Variants in EXOC7 observed in about 807,000 individuals in gnomAD.
The protein encoded by EXOC7 is exocyst complex component Exo70.
In EXOC7, 51 loss-of-function variants were observed where a neutral mutation model predicts 87.6. That is an observed-to-expected ratio of 0.58 (90% CI 0.46 to 0.73). The LOEUF is 0.73. Among genes scored for constraint, EXOC7 ranks in the 30% least tolerant of loss-of-function variants. The probability of loss-of-function intolerance (pLI) is 0.00; values close to 1 mark genes in which losing one functional copy is unlikely to be tolerated. For missense variants in EXOC7, 744 were observed against 888.4 expected (o/e 0.84, Z 2.07); for synonymous variants, 327 against 357.1 (o/e 0.92, Z 0.95).
intron 2 of EXOC7, among the ~76,000 whole-genome samples, chr17:76,102,437 C>G (rs949217554): frequency 1.4e-5 from 2 of 145,022 alleles, no homozygotes; most frequent in Non-Finnish European, 1.5e-5. Context: ...CACACACACA[C>G]ACACACACAC....
intron 7 of EXOC7, 110 bp from the exon 8 acceptor site, chr17:76,089,430 T>C: frequency 7.2e-7 from 1 of 1,382,314 alleles, no homozygotes; most frequent in Non-Finnish European, 9.9e-7. Flanking sequence ...TGGCAGAGGA[T>C]GGGGAAGAGG....
chr17:76,084,894 G>T (rs2067142010), intron 15 of EXOC7, among the ~76,000 whole-genome samples: 1 of 152,192 alleles, frequency 6.6e-6, no homozygotes, highest in African/African-American at 2.4e-5. Flanking sequence ...GCAGATAAAT[G>T]AGAAGGAAGA....
At chr17:76,098,579 T>G (rs2067894159) in intron 4 of EXOC7, among the ~76,000 whole-genome samples, 1 of 150,906 alleles carries the variant, frequency 6.6e-6, no homozygotes, top group South Asian at 2.1e-4. Context: ...ACTGGCTGAT[T>G]GGCCGTGCAC....
intron 5 of EXOC7, among the ~76,000 whole-genome samples, chr17:76,096,831 C>T (rs991748217): frequency 6.6e-6 from 1 of 152,144 alleles, no homozygotes; most frequent in African/African-American, 2.4e-5. Context: ...GCTGGGATTA[C>T]AGGCATGAGC....
chr17:76,088,276 T>G (rs1046417240), intron 10 of EXOC7, 154 bp from the exon 11 acceptor site: 2 of 957,182 alleles, frequency 2.1e-6, no homozygotes, highest in African/African-American at 1.6e-5. Flanking sequence ...GGAGAGGCCC[T>G]TCCCACTTCA....
intron 7 of EXOC7, chr17:76,090,186 G>T: frequency 1.1e-6 from 1 of 929,250 alleles, no homozygotes; most frequent in South Asian, 1.7e-5. Context: ...GCCCAAAAGA[G>T]AGAGAGTGGA....
At position 76,082,319 on chromosome 17, in the gene EXOC7, C is replaced by A; in HGVS notation, c.*1329G>T. 1 of 926,832 alleles carries A rather than the reference C, an allele frequency of 1.1e-6. No homozygotes were observed. The highest frequency in any genetic ancestry group is 1.6e-6 in the Non-Finnish European group (1 of 630,300). The allele number at this position is 926,832 out of a possible 1,614,324, so 57.4% of individuals were successfully genotyped here. On this transcript the variant is annotated 3_prime_UTR_variant, in exon 19 of 19. Coordinates refer to ENST00000589210, the MANE Select transcript of EXOC7 (RefSeq NM_001013839.4). Reference sequence around the variant, plus strand: ...GGGTGTTTCTTCAACTGAAGATGGCCTGAAATGGGCCAGACCCAAATTTTC... The same window carrying A: ...GGGTGTTTCTTCAACTGAAGATGGCATGAAATGGGCCAGACCCAAATTTTC...
In EXOC7 at chr17:76,088,884, C is replaced by T. The variant is rs750047888; in HGVS notation, c.1087G>A (p.Val363Met). 7.4e-6 allele frequency: 12 copies of T among 1,613,520 alleles called. No individual in the cohort carries two copies. The highest frequency in any genetic ancestry group is 2.7e-5 in the African/African-American group (2 of 74,866). Residue 363 changes from valine (V) to methionine (M), a missense_variant, in exon 9 of 19, where the codon GTG (valine) becomes ATG (methionine). Around this residue, in one of 3 missense-constraint regions of EXOC7, gnomAD observed 512 missense variants for 573.0 expected, o/e 0.89. Transcript: ENST00000589210. ...ACAATGGCCTTCCGGGCAGCAGACA[C>T]GATGTTCTCCCCTTCAAGCATCAGC... is the stretch of plus-strand genomic sequence containing the variant. ...DGLMLEGENI[V>M]SAARKAIVRH...
chr17:76,083,525 G>C lies in EXOC7; in HGVS notation c.*123C>G. 1.1e-6 allele frequency: 1 copy of C among 890,656 alleles called. No homozygotes were observed. Among genetic ancestry groups the C allele is most frequent in the Non-Finnish European group, 1.8e-6 (1 of 544,404 alleles). The allele number at this position is 890,656 out of a possible 1,614,324, so 55.2% of individuals were successfully genotyped here. On this transcript the variant is annotated 3_prime_UTR_variant, in exon 19 of 19. Coordinates refer to ENST00000589210, the MANE Select transcript of EXOC7 (RefSeq NM_001013839.4). ...GGGCTCAGGGACACAGCTCCCGGAG[G>C]CGTGGAGACAGGTCTCTGTCCCAGA...
rs550641699 is a variant in EXOC7, at chr17:76,085,494, C to A, written c.1617-85G>T. 8 of 1,501,460 alleles carry A rather than the reference C, an allele frequency of 5.3e-6. No homozygotes were observed. The East Asian group carries it at 1.8e-4, about 35-fold the overall frequency. 93.0% of individuals were successfully genotyped at this position (1,501,460 alleles called of 1,614,324 possible). On this transcript the variant is annotated intron_variant, in intron 14 of 18. Transcript: ENST00000589210. The stretch of plus-strand genomic sequence containing the variant: ...CTGCGGCAATGCCGGGAGGGCCTCC[C>A]ATTGCACCCCAAACTCCACAAGCTC...
intron 15 of EXOC7, chr17:76,084,851 T>A: frequency 1.9e-6 from 1 of 523,954 alleles, no homozygotes; most frequent in Non-Finnish European, 3.4e-6. Flanking sequence ...CAAACTAAGA[T>A]GGAGAAACAG....
Position 76,085,837 on chromosome 17 carries a change from C to A in EXOC7, c.1496-40G>T, listed in dbSNP as rs768725867. On this transcript the variant is annotated intron_variant, in intron 13 of 18. Transcript: ENST00000589210. ...ATGGGGCCACACCCACCATGGCAGTCTGACCCAAACGACCCCACCCCAGGA... is the reference window on the plus strand; with the variant it reads ...ATGGGGCCACACCCACCATGGCAGTATGACCCAAACGACCCCACCCCAGGA... 2.5e-6 allele frequency: 4 copies of A among 1,597,328 alleles called. No individual in the cohort carries two copies. The East Asian group carries it at 6.7e-5, about 27-fold the overall frequency.
At position 76,082,489 on chromosome 17, in the gene EXOC7, C is replaced by A. The variant is rs1257440244; in HGVS notation, c.*1159G>T. 6.2e-7 allele frequency: 1 copy of A among 1,612,988 alleles called. No individual in the cohort carries two copies. The highest frequency in any genetic ancestry group is 8.5e-7 in the Non-Finnish European group (1 of 1,179,578). On this transcript the variant is annotated 3_prime_UTR_variant, in exon 19 of 19. Coordinates refer to ENST00000589210, the MANE Select transcript of EXOC7 (RefSeq NM_001013839.4). The stretch of plus-strand genomic sequence containing the variant: ...GCCCTCCAGAGGAGTAAAGGGGTCA[C>A]AGAGAAGCTGGCCTGAGACTGCTGA...
intron 7 of EXOC7, chr17:76,090,384 A>G: frequency 6.4e-7 from 1 of 1,551,736 alleles, no homozygotes. Context: ...TAACTCGGAA[A>G]TCATGCTCGT....
At chr17:76,086,196 A>G in intron 12 of EXOC7, 51 bp from the exon 13 acceptor site, 1 of 1,565,766 alleles carries the variant, frequency 6.4e-7, no homozygotes, top group Non-Finnish European at 8.7e-7. Context: ...AAGACCCTCA[A>G]CGGCCCTTCC....
chr17:76,094,900 C>A (rs1188127392), intron 5 of EXOC7, among the ~76,000 whole-genome samples: 1 of 151,592 alleles, frequency 6.6e-6, no homozygotes, highest in Non-Finnish European at 1.5e-5. Context: ...CGTGAGTCAC[C>A]ATGCCTGGCC....
chr17:76,090,552 C>T, intron 7 of EXOC7: 2 of 1,454,196 alleles, frequency 1.4e-6, no homozygotes, highest in Non-Finnish European at 1.9e-6. Context: ...TGAGCCCCTC[C>T]TCTACCTCAA....
rs760963380 is a variant in EXOC7 at position 76,091,166 on chromosome 17, C to A, written c.878G>T (p.Gly293Val). 6.2e-7 allele frequency: 1 copy of A among 1,614,020 alleles called. No homozygotes were observed. The highest frequency in any genetic ancestry group is 1.7e-5 in the Admixed American group (1 of 60,022). Reference protein sequence around the residue: ...SQHGLDGKKGGSNLIPLEGRD... With the variant: ...SQHGLDGKKGVSNLIPLEGRD... Reference sequence around the variant, plus strand: ...ACCTTCCAGAGGAATGAGGTTAGAGCCCCCCTTTTTCCCATCTAGACCATG... The same window carrying A: ...ACCTTCCAGAGGAATGAGGTTAGAGACCCCCTTTTTCCCATCTAGACCATG... Residue 293 changes from glycine to valine, a missense_variant, in exon 7 of 19, where the codon GGC becomes GTC. By Grantham distance (109) the Gly-to-Val change is moderately radical. Around this residue, in one of 3 missense-constraint regions of EXOC7, gnomAD observed 512 missense variants for 573.0 expected, o/e 0.89. Transcript: ENST00000589210.
intron 10 of EXOC7, 83 bp from the exon 11 acceptor site, chr17:76,088,205 C>G: frequency 7.0e-7 from 1 of 1,425,814 alleles, no homozygotes; most frequent in African/African-American, 1.4e-5. Flanking sequence ...GTGCCGCCTC[C>G]TGGCAGACGG....
Sources: allele counts gnomAD v4.1 joint callset (sites outside exome capture counted in the v4.1 genomes callset), GRCh38; gene constraint gnomAD v4.1.1; regional missense constraint gnomAD v4.1.1; transcripts MANE v1.5; gene names NCBI Gene and HGNC (gene_info 2026-07-23, HGNC 2026-07-21).